Variants in LIPJ observed in about 807,000 individuals in gnomAD.
LIPJ encodes the protein lipase member J.
A neutral mutation model predicts 39.8 loss-of-function variants in LIPJ; 33 were observed. That is an observed-to-expected ratio of 0.83 (90% CI 0.63 to 1.11). The LOEUF is 1.11. Ranked by LOEUF, LIPJ falls within the 50% of genes least tolerant of loss-of-function variation. LIPJ has a pLI of 0.00. For synonymous variants in LIPJ, 128 were observed against 139.2 expected (o/e 0.92, Z 0.57); for missense variants, 422 against 427.9 (o/e 0.99, Z 0.12).
At chr10:88,596,308 G>C (rs766854003) in exon 7 of LIPJ, 2 of 1,519,040 alleles carry the variant, frequency 1.3e-6, no homozygotes, top group South Asian at 1.3e-5. Context: ...CTATATCAAA[G>C]ATAGCTGAAA....
At chr10:88,619,312 G>A in the LIPJ span, among the ~76,000 whole-genome samples, 7 of 151,340 alleles carry the variant, frequency 4.6e-5, no homozygotes, top group Non-Finnish European at 8.8e-5. Context: ...TCTATAATAT[G>A]AGTACATTGG....
At chr10:88,606,651 T>G (rs184632879) in intron 10 of LIPJ, 23 bp from the exon 11 acceptor site, 2 of 1,437,588 alleles carry the variant, frequency 1.4e-6, no homozygotes, top group Admixed American at 1.8e-5. Flanking sequence ...ATGAAAACTA[T>G]TTTTTCACTC....
In LIPJ at chr10:88,599,003, ATT is replaced by A. The variant is rs1294881662; in HGVS notation, c.723+2068_723+2069del. ...ACAATAATATAAAATATTATATTAT[ATT>A]ATAATAATATATTATATTAATTTAA... On this transcript the variant is annotated intron_variant, in intron 8 of 10. Transcript: ENST00000371939. 1.9e-3 allele frequency among the ~76,000 whole-genome samples: 275 copies of A among 144,576 alleles called. 5 individuals carry two copies. The highest frequency in any genetic ancestry group is 6.5e-3 in the African/African-American group (259 of 40,154). 94.8% of individuals were successfully genotyped at this position (144,576 alleles called of 152,430 possible).
At chr10:88,588,591 C>T (rs931590588) in intron 2 of LIPJ, among the ~76,000 whole-genome samples, 6 of 151,802 alleles carry the variant, frequency 4.0e-5, no homozygotes, top group African/African-American at 1.4e-4. Context: ...AACACGTCAT[C>T]CTGCCATTTT....
chr10:88,585,672 G>A (rs2576168), upstream of LIPJ: 47,121 of 151,854 alleles, frequency 0.31, 7,669 homozygotes, highest in East Asian at 0.55. Flanking sequence ...GGAGGGTTGT[G>A]TATCAACTTT....
intron 2 of LIPJ, 85 bp from the exon 3 acceptor site, chr10:88,590,500 C>A: frequency 2.0e-6 from 1 of 488,690 alleles, no homozygotes; most frequent in Non-Finnish European, 3.7e-6. Flanking sequence ...ATATTTCCTA[C>A]CTCATAGAAT....
At chr10:88,590,616 T>C in exon 3 of LIPJ, 1 of 1,198,300 alleles carries the variant, frequency 8.3e-7, no homozygotes, top group Admixed American at 1.7e-5. Flanking sequence ...CACAATGATG[T>C]ATTTTATCCG....
At chr10:88,600,923 C>G (rs1193866345) in intron 8 of LIPJ, among the ~76,000 whole-genome samples, 6 of 152,060 alleles carry the variant, frequency 3.9e-5, no homozygotes, top group Non-Finnish European at 8.8e-5. Flanking sequence ...GGGAGCCAAA[C>G]TCACCCTTTT....
chr10:88,606,119 G>A (rs1851657555), intron 10 of LIPJ, among the ~76,000 whole-genome samples: 1 of 152,118 alleles, frequency 6.6e-6, no homozygotes, highest in South Asian at 2.1e-4. Context: ...AAGTAAATGA[G>A]AATGTGGTAA....
downstream of LIPJ, chr10:88,606,995 T>G (rs199699951): frequency 7.6e-7 from 1 of 1,317,240 alleles, no homozygotes; most frequent in Non-Finnish European, 9.8e-7. Flanking sequence ...TGTTCTTTCA[T>G]TTTTAAAACT....
chr10:88,617,226 G>A, the LIPJ span, among the ~76,000 whole-genome samples: 1 of 152,102 alleles, frequency 6.6e-6, no homozygotes, highest in Non-Finnish European at 1.5e-5. Flanking sequence ...CCTTCAACAG[G>A]TGTCTCAGAA....
At chr10:88,608,549 T>C (rs1041970354), downstream of LIPJ, among the ~76,000 whole-genome samples, 1 of 152,212 alleles carries the variant, frequency 6.6e-6, no homozygotes, top group Non-Finnish European at 1.5e-5. Flanking sequence ...GAGACCAAGA[T>C]GCTAAGAAGA....
At chr10:88,613,770 G>GCA in the LIPJ span, among the ~76,000 whole-genome samples, 37 of 75,522 alleles carry the variant, frequency 4.9e-4, no homozygotes, top group Non-Finnish European at 9.6e-4. Flanking sequence ...ATGTGTGTGT[G>GCA]TATATATATA....
chr10:88,617,161 A>G, the LIPJ span, among the ~76,000 whole-genome samples: 27 of 152,300 alleles, frequency 1.8e-4, no homozygotes, highest in African/African-American at 5.1e-4. Flanking sequence ...TCGGGACAAG[A>G]CAGATCAGTG....
chr10:88,612,860 C>G, the LIPJ span, among the ~76,000 whole-genome samples: 1 of 151,794 alleles, frequency 6.6e-6, no homozygotes, highest in African/African-American at 2.4e-5. Context: ...AACAATGGAC[C>G]TAAACTATAC....
chr10:88,598,453 G>C (rs1033307416), intron 8 of LIPJ, among the ~76,000 whole-genome samples: 17 of 152,018 alleles, frequency 1.1e-4, no homozygotes, highest in African/African-American at 4.1e-4. Context: ...TTTTGACCTT[G>C]TCCAGGTGTT....
At chr10:88,583,858 A>T, upstream of LIPJ, 3 of 299,816 alleles carry the variant, frequency 1.0e-5, no homozygotes, top group Non-Finnish European at 1.5e-5. Context: ...ATTCCAAATT[A>T]CTCTTCAATA....
At chr10:88,602,776 T>C in intron 9 of LIPJ, 129 bp downstream of exon 9, 1 of 483,692 alleles carries the variant, frequency 2.1e-6, no homozygotes, top group Non-Finnish European at 3.4e-6. Context: ...TTATTATATA[T>C]TTCTATAATT....
intron 8 of LIPJ, among the ~76,000 whole-genome samples, chr10:88,601,640 C>A (rs1197104710): frequency 6.6e-6 from 1 of 152,168 alleles, no homozygotes; most frequent in Admixed American, 6.5e-5. Context: ...TTTTTCTTCT[C>A]TTAAGGTTCC....
Sources: gnomAD v4.1 joint callset for allele counts (sites outside exome capture counted in the v4.1 genomes callset) on GRCh38, gnomAD v4.1.1 for gene constraint, MANE v1.5 for transcripts, NCBI Gene and HGNC (gene_info 2026-07-23, HGNC 2026-07-21) for gene names.